CTIF: variants seen among roughly 807,000 people sequenced by gnomAD.
The protein encoded by CTIF is CBP80/20-dependent translation initiation factor.
CTIF carries 21 observed loss-of-function variants against 66.0 expected under a neutral mutation model. The observed-to-expected ratio is 0.32, with a 90% CI of 0.23 to 0.46. The LOEUF (loss-of-function observed/expected upper bound fraction) is 0.46. Among genes scored for constraint, CTIF ranks in the 20% least tolerant of loss-of-function variants. The pLI, the probability that CTIF is intolerant of heterozygous loss-of-function variation, is 1.00. For synonymous variants in CTIF, 345 were observed against 326.4 expected (o/e 1.06, Z -0.62); for missense variants, 739 against 812.7 (o/e 0.91, Z 1.10).
intron 7 of CTIF, among the ~76,000 whole-genome samples, chr18:48,732,608 G>C (rs1241671652): frequency 6.6e-6 from 1 of 152,242 alleles, no homozygotes; most frequent in Non-Finnish European, 1.5e-5. Context: ...GGTGTAAGAA[G>C]AGGTCTCTTT....
chr18:48,710,136 C>T (rs138782095), intron 6 of CTIF, among the ~76,000 whole-genome samples: 1 of 152,358 alleles, frequency 6.6e-6, no homozygotes, highest in Admixed American at 6.5e-5. Flanking sequence ...ACAGTGGGAC[C>T]CTCCTTTATG....
intron 1 of CTIF, among the ~76,000 whole-genome samples, chr18:48,542,609 A>G (rs547242038): frequency 1.2e-4 from 18 of 152,368 alleles, no homozygotes; most frequent in African/African-American, 3.6e-4. Flanking sequence ...CAAAGATAGT[A>G]GAGCAGAGAT....
intron 10 of CTIF, among the ~76,000 whole-genome samples, chr18:48,853,462 A>G (rs553639703): frequency 6.6e-6 from 1 of 152,310 alleles, no homozygotes; most frequent in African/African-American, 2.4e-5. Flanking sequence ...GAGGGTCCTC[A>G]GTGCCTGTCA....
intron 6 of CTIF, among the ~76,000 whole-genome samples, chr18:48,686,474 A>C (rs1169640816): frequency 6.6e-6 from 1 of 152,156 alleles, no homozygotes; most frequent in East Asian, 1.9e-4. Context: ...GTACCTTTTA[A>C]TGAATGGTTC....
In CTIF at chr18:48,758,173, C is replaced by T. The variant is rs144129667; in HGVS notation, c.839C>T (p.Pro280Leu). 3.5e-5 allele frequency: 57 copies of T among 1,613,870 alleles called. No homozygotes were observed. Among genetic ancestry groups the T allele is most frequent in the Non-Finnish European group, 4.7e-5 (55 of 1,180,028 alleles). The change falls in exon 8 of 12, where the codon CCA (proline) becomes CTA (leucine). Residue 280 changes from proline (P) to leucine (L), a missense_variant. By Grantham distance (98) the Pro-to-Leu change is moderately conservative. This residue lies in a region of CTIF where 529 missense variants were observed against 520.3 expected (regional missense o/e 1.02). Transcript: ENST00000256413. ...AAAGAGACCATGACCATCGAGAACC[C>T]AAAACTGGAGGACACTGCAGGGGAC... ...NAKETMTIEN[P>L]KLEDTAGDTG...
chr18:48,674,331 C>A (rs2091590258), intron 6 of CTIF, among the ~76,000 whole-genome samples: 1 of 152,234 alleles, frequency 6.6e-6, no homozygotes, highest in Non-Finnish European at 1.5e-5. Flanking sequence ...TACACCCCAC[C>A]TTCCTCCCCT....
At chr18:48,698,918 A>C (rs1473482370) in intron 6 of CTIF, among the ~76,000 whole-genome samples, 1 of 152,138 alleles carries the variant, frequency 6.6e-6, no homozygotes, top group African/African-American at 2.4e-5. Context: ...CACCTAGTAC[A>C]GCCGCTGGCA....
chr18:48,592,477 A>G (rs546749658), intron 1 of CTIF, among the ~76,000 whole-genome samples: 1 of 151,372 alleles, frequency 6.6e-6, no homozygotes, highest in East Asian at 1.9e-4. Flanking sequence ...AGCTTGGGGA[A>G]CAAGAGTGAA....
intron 1 of CTIF, among the ~76,000 whole-genome samples, chr18:48,593,503 C>T (rs950609098): frequency 6.6e-6 from 1 of 151,504 alleles, no homozygotes; most frequent in African/African-American, 2.4e-5. Context: ...GCCTCCGCCT[C>T]CCCGAGTAGC....
At chr18:48,628,747 C>T (rs143362713) in intron 2 of CTIF, among the ~76,000 whole-genome samples, 4 of 152,338 alleles carry the variant, frequency 2.6e-5, no homozygotes, top group Middle Eastern at 3.4e-3. Context: ...CTCCTAATCA[C>T]GCAAGCATTC....
At chr18:48,816,403 C>G (rs923377386) in intron 9 of CTIF, among the ~76,000 whole-genome samples, 1 of 152,136 alleles carries the variant, frequency 6.6e-6, no homozygotes, top group Non-Finnish European at 1.5e-5. Flanking sequence ...TTAATTTCAT[C>G]CTGCCTGGAT....
intron 2 of CTIF, chr18:48,625,215 C>A (rs71355350): frequency 0.037 from 36,736 of 984,700 alleles, 1,356 homozygotes; most frequent in African/African-American, 0.17. Flanking sequence ...GTGGACCACC[C>A]ATGAAAGGCT....
At chr18:48,704,950 G>T (rs909312282) in intron 6 of CTIF, among the ~76,000 whole-genome samples, 1 of 152,208 alleles carries the variant, frequency 6.6e-6, no homozygotes, top group Non-Finnish European at 1.5e-5. Flanking sequence ...GTGAGGACTG[G>T]GTAGAGACAA....
In CTIF at chr18:48,834,090, G is replaced by A. The variant is rs747445640; in HGVS notation, c.1527+16714G>A. Among the ~76,000 whole-genome samples the A allele has an allele frequency of 2.1e-4, 32 of 151,434 alleles. 1 individual carries two copies. The highest frequency in any genetic ancestry group is 1.5e-3 in the South Asian group (7 of 4,794). Reference sequence around the variant, plus strand: ...TCCCTTCTCTCTGTAGATGAGGGTCGGCAAATGTCTGGTATGAAGGGCCAG... The same window carrying A: ...TCCCTTCTCTCTGTAGATGAGGGTCAGCAAATGTCTGGTATGAAGGGCCAG... On this transcript the variant is annotated intron_variant, in intron 10 of 11. Transcript: ENST00000256413.
At chr18:48,725,600 G>C (rs2092379577) in intron 7 of CTIF, among the ~76,000 whole-genome samples, 1 of 152,158 alleles carries the variant, frequency 6.6e-6, no homozygotes, top group Non-Finnish European at 1.5e-5. Flanking sequence ...TTTGACCCCA[G>C]ATTTACTGCT....
At chr18:48,846,808 A>AGGAT (rs1278892076) in intron 10 of CTIF, among the ~76,000 whole-genome samples, 3 of 137,690 alleles carry the variant, frequency 2.2e-5, no homozygotes, top group Non-Finnish European at 4.7e-5. Context: ...CATGGATGAA[A>AGGAT]GGATGGATGG....
intron 7 of CTIF, among the ~76,000 whole-genome samples, chr18:48,750,207 C>T (rs779593582): frequency 2.0e-5 from 3 of 152,222 alleles, no homozygotes; most frequent in Admixed American, 6.5e-5. Flanking sequence ...GAACCTGAGT[C>T]GGGGTTGGTC....
chr18:48,557,814 C>G (rs1040705031), intron 1 of CTIF, among the ~76,000 whole-genome samples: 1 of 152,254 alleles, frequency 6.6e-6, no homozygotes, highest in African/African-American at 2.4e-5. Context: ...CCCACACGGT[C>G]TCTCCTCTGT....
At chr18:48,651,849 C>T (rs1598806561) in intron 3 of CTIF, among the ~76,000 whole-genome samples, 1 of 152,190 alleles carries the variant, frequency 6.6e-6, no homozygotes, top group Non-Finnish European at 1.5e-5. Flanking sequence ...AACTGAACAA[C>T]CTGCTCCTGA....
Sources: allele counts gnomAD v4.1 joint callset (sites outside exome capture counted in the v4.1 genomes callset), GRCh38; gene constraint gnomAD v4.1.1; regional missense constraint gnomAD v4.1.1; transcripts MANE v1.5; gene names NCBI Gene and HGNC (gene_info 2026-07-23, HGNC 2026-07-21).